LARGE1: variants seen among roughly 807,000 people sequenced by gnomAD.
LARGE1 encodes xylosyl- and glucuronyltransferase LARGE1.
A neutral mutation model predicts 87.6 loss-of-function variants in LARGE1; 43 were observed. The ratio of observed to expected loss-of-function variants is 0.49; its 90% CI spans 0.38 to 0.63. The LOEUF (loss-of-function observed/expected upper bound fraction) is 0.63. LARGE1 is among the 30% of genes least tolerant of loss of function. The probability of loss-of-function intolerance (pLI) is 0.00; values close to 1 mark genes in which losing one functional copy is unlikely to be tolerated. For synonymous variants in LARGE1, 434 were observed against 394.6 expected, an observed-to-expected ratio of 1.10 and a Z score of -1.18; for missense variants, 802 against 1,000.2, an observed-to-expected ratio of 0.80 and a Z score of 2.67.
intron 1 of LARGE1, among the ~76,000 whole-genome samples, chr22:33,808,289 T>C (rs887673878): frequency 2.6e-5 from 4 of 152,262 alleles, no homozygotes; most frequent in African/African-American, 9.6e-5. Flanking sequence ...TTATCTGCCA[T>C]CTGCATATTT....
chr22:33,565,087 T>C, intron 5 of LARGE1, 68 bp from the exon 6 acceptor site: 1 of 1,393,468 alleles, frequency 7.2e-7, no homozygotes, highest in Non-Finnish European at 1.0e-6. Flanking sequence ...ATTCTTTGCT[T>C]AAACATTATA....
intron 11 of LARGE1, among the ~76,000 whole-genome samples, chr22:33,186,193 A>G (rs972544820): frequency 6.6e-6 from 1 of 152,218 alleles, no homozygotes; most frequent in Non-Finnish European, 1.5e-5. Context: ...TAATACTGAT[A>G]CCAAAACTTG....
chr22:33,832,084 A>C (rs1368304920), intron 1 of LARGE1, among the ~76,000 whole-genome samples: 8 of 152,178 alleles, frequency 5.3e-5, no homozygotes, highest in Non-Finnish European at 1.2e-4. Flanking sequence ...ATCTCCCTGG[A>C]AGCCTCTAGT....
At chr22:33,695,252 C>T (rs973491392) in intron 2 of LARGE1, among the ~76,000 whole-genome samples, 6 of 151,866 alleles carry the variant, frequency 4.0e-5, no homozygotes, top group African/African-American at 7.3e-5. Context: ...TACAGGCGCA[C>T]GCCACCATAC....
intron 2 of LARGE1, among the ~76,000 whole-genome samples, chr22:33,689,587 G>A (rs904029921): frequency 2.0e-5 from 3 of 152,094 alleles, no homozygotes; most frequent in Admixed American, 2.0e-4. Flanking sequence ...AAGAAGAAGA[G>A]ATAGGCAAAA....
intron 11 of LARGE1, among the ~76,000 whole-genome samples, chr22:33,172,278 T>A (rs993401242): frequency 6.6e-6 from 1 of 152,228 alleles, no homozygotes; most frequent in East Asian, 1.9e-4. Flanking sequence ...TTGTCTCAGA[T>A]GAGACTTTGG....
chr22:33,822,165 T>C (rs1246206738), intron 1 of LARGE1, among the ~76,000 whole-genome samples: 1 of 152,208 alleles, frequency 6.6e-6, no homozygotes, highest in Non-Finnish European at 1.5e-5. Context: ...AACAGCACTA[T>C]GTGTGCCCTT....
At chr22:33,417,154 C>G (rs1408003901) in intron 7 of LARGE1, among the ~76,000 whole-genome samples, 8 of 152,114 alleles carry the variant, frequency 5.3e-5, no homozygotes, top group Admixed American at 5.2e-4. Flanking sequence ...ATCCGCCTGC[C>G]TCGGCCTCCC....
At chr22:33,666,109 A>G (rs1421732237) in intron 2 of LARGE1, among the ~76,000 whole-genome samples, 2 of 152,238 alleles carry the variant, frequency 1.3e-5, no homozygotes, top group African/African-American at 4.8e-5. Flanking sequence ...ACCCTCTTGC[A>G]AGATGCCACT....
intron 6 of LARGE1, among the ~76,000 whole-genome samples, chr22:33,506,565 T>C (rs1388715674): frequency 6.6e-6 from 1 of 152,162 alleles, no homozygotes; most frequent in Non-Finnish European, 1.5e-5. Context: ...GATTCTGTCT[T>C]GTCTGGCCTT....
rs554733525 is a variant in LARGE1 at position 33,757,796 on chromosome 22, G to A, written c.106+3575C>T. 4.9e-4 allele frequency among the ~76,000 whole-genome samples: 74 copies of A among 152,276 alleles called. No individual in the cohort carries two copies. The East Asian group carries it at 0.013, about 26-fold the overall frequency. On this transcript the variant is annotated intron_variant, in intron 2 of 14. Transcript: ENST00000397394. ...AGGGTGTCAATAAATGGATTGTAACGTTGTTGTGATGTTTAATTACAAAGA... is the reference window on the plus strand; with the variant it reads ...AGGGTGTCAATAAATGGATTGTAACATTGTTGTGATGTTTAATTACAAAGA...
intron 2 of LARGE1, among the ~76,000 whole-genome samples, chr22:33,655,360 T>C (rs942724988): frequency 6.6e-6 from 1 of 152,192 alleles, no homozygotes. Flanking sequence ...ACATCATCTT[T>C]TTCTTGCCTT....
chr22:33,755,102 GC>G (rs1291352436), intron 2 of LARGE1, among the ~76,000 whole-genome samples: 1 of 152,138 alleles, frequency 6.6e-6, no homozygotes, highest in Non-Finnish European at 1.5e-5. Flanking sequence ...CTTCAAAATA[GC>G]CCAGTATCGG....
intron 11 of LARGE1, among the ~76,000 whole-genome samples, chr22:33,232,085 C>T (rs1926033739): frequency 6.6e-6 from 1 of 152,174 alleles, no homozygotes; most frequent in Admixed American, 6.5e-5. Context: ...CAAACTAGGT[C>T]CCTCTGCTTC....
At chr22:33,578,876 T>C (rs946503711) in intron 5 of LARGE1, among the ~76,000 whole-genome samples, 1 of 152,212 alleles carries the variant, frequency 6.6e-6, no homozygotes, top group Non-Finnish European at 1.5e-5. Context: ...GCTCATACTG[T>C]TAGCAGAAAC....
intron 11 of LARGE1, among the ~76,000 whole-genome samples, chr22:33,236,356 T>C (rs1926251649): frequency 6.6e-6 from 1 of 152,210 alleles, no homozygotes; most frequent in African/African-American, 2.4e-5. Flanking sequence ...GACAATCTGC[T>C]ACAACTGTTT....
At chr22:33,306,776 A>T (rs1466502715) in intron 11 of LARGE1, among the ~76,000 whole-genome samples, 2 of 151,934 alleles carry the variant, frequency 1.3e-5, no homozygotes, top group Non-Finnish European at 2.9e-5. Flanking sequence ...TGTGAGGCTG[A>T]CACAGAAGAA....
intron 1 of LARGE1, among the ~76,000 whole-genome samples, chr22:33,870,206 C>A (rs891988932): frequency 6.6e-6 from 1 of 152,126 alleles, no homozygotes; most frequent in Non-Finnish European, 1.5e-5. Flanking sequence ...GACGCATCTA[C>A]CAGCCAGAGT....
At chr22:33,370,394 T>C (rs766581817) in intron 9 of LARGE1, among the ~76,000 whole-genome samples, 2 of 152,112 alleles carry the variant, frequency 1.3e-5, no homozygotes, top group Non-Finnish European at 2.9e-5. Flanking sequence ...AAATGTAAAC[T>C]CATTTGAAGC....
Sources: gnomAD v4.1 joint callset for allele counts (sites outside exome capture counted in the v4.1 genomes callset) on GRCh38, gnomAD v4.1.1 for gene constraint, MANE v1.5 for transcripts, NCBI Gene and HGNC (gene_info 2026-07-23, HGNC 2026-07-21) for gene names.